The following CFI variants were observed in gnomAD, a reference collection of about 807,000 sequenced individuals.
The protein encoded by CFI is C3B/C4B inactivator.
Under a neutral mutation model 78.8 loss-of-function variants are expected in CFI, and 66 were observed. The observed-to-expected ratio is 0.84, with a 90% confidence interval of 0.69 to 1.03. The LOEUF is 1.03. CFI is among the 50% of genes least tolerant of loss of function. The pLI is 0.00. For missense variants in CFI, 706 were observed against 704.5 expected, an observed-to-expected ratio of 1.00 and a Z score of -0.02; for synonymous variants, 250 against 232.6, an observed-to-expected ratio of 1.07 and a Z score of -0.68.
chr4:109,775,235 A>T (rs1729072516), intron 1 of CFI, among the ~76,000 whole-genome samples: 1 of 152,178 alleles, frequency 6.6e-6, no homozygotes, highest in African/African-American at 2.4e-5. Flanking sequence ...GGGTCAGGGA[A>T]TTCCCTTTTC....
chr4:109,736,694 C>A (rs1723389876), downstream of CFI, among the ~76,000 whole-genome samples: 1 of 152,164 alleles, frequency 6.6e-6, no homozygotes, highest in African/African-American at 2.4e-5. Context: ...ATGGAAAGAA[C>A]CCACTTAGTT....
At chr4:109,799,110 A>C (rs1425017674) in intron 1 of CFI, among the ~76,000 whole-genome samples, 7 of 152,108 alleles carry the variant, frequency 4.6e-5, no homozygotes, top group Non-Finnish European at 1.5e-5. Flanking sequence ...TGCCCTGAGC[A>C]TGTATGGGGC....
At chr4:109,769,917 C>G (rs962888008) in intron 1 of CFI, among the ~76,000 whole-genome samples, 2 of 152,108 alleles carry the variant, frequency 1.3e-5, no homozygotes, top group Admixed American at 6.5e-5. Context: ...AGGTATGGGT[C>G]AAGTACTAGT....
the CFI span, among the ~76,000 whole-genome samples, chr4:109,735,273 A>C: frequency 1.3e-5 from 2 of 152,166 alleles, no homozygotes; most frequent in African/African-American, 4.8e-5. Flanking sequence ...TATTTTCTAT[A>C]TAGAACTTCC....
intron 10 of CFI, among the ~76,000 whole-genome samples, chr4:109,747,172 G>A (rs6836770): frequency 0.74 from 111,770 of 151,864 alleles, 41,315 homozygotes; most frequent in East Asian, 0.87. Context: ...TTCATATCAA[G>A]TTTCTTTCTT....
chr4:109,790,951 T>C (rs372086089), intron 1 of CFI, among the ~76,000 whole-genome samples: 87 of 152,318 alleles, frequency 5.7e-4, no homozygotes, highest in African/African-American at 2.0e-3. Context: ...TGTACTCCTT[T>C]AGGTATATAC....
chr4:109,752,098 T>C (rs543009488), intron 8 of CFI, among the ~76,000 whole-genome samples: 13 of 152,334 alleles, frequency 8.5e-5, no homozygotes, highest in Non-Finnish European at 1.3e-4. Flanking sequence ...GTTAATTCAA[T>C]TAACATCTAT....
At chr4:109,779,599 C>T (rs1729724194) in intron 1 of CFI, among the ~76,000 whole-genome samples, 1 of 152,256 alleles carries the variant, frequency 6.6e-6, no homozygotes, top group African/African-American at 2.4e-5. Context: ...CATCAAGCTA[C>T]CAATGACTTT....
intron 1 of CFI, among the ~76,000 whole-genome samples, chr4:109,780,331 T>G (rs28796714): frequency 0.42 from 63,602 of 151,810 alleles, 14,526 homozygotes; most frequent in African/African-American, 0.57. Context: ...CAAAAAGTGG[T>G]CGAAGGATAT....
intron 1 of CFI, among the ~76,000 whole-genome samples, chr4:109,778,351 A>G (rs1729553122): frequency 6.6e-6 from 1 of 152,168 alleles, no homozygotes; most frequent in African/African-American, 2.4e-5. Context: ...TACTATAAAC[A>G]CCTCTATGCA....
At chr4:109,797,155 C>T (rs1732155255) in intron 1 of CFI, among the ~76,000 whole-genome samples, 3 of 152,132 alleles carry the variant, frequency 2.0e-5, no homozygotes, top group Admixed American at 6.5e-5. Context: ...CCAGAGGCAT[C>T]CCACTTCCTG....
chr4:109,758,125 T>C (rs959657047), intron 6 of CFI, among the ~76,000 whole-genome samples: 2 of 151,972 alleles, frequency 1.3e-5, no homozygotes, highest in Non-Finnish European at 2.9e-5. Flanking sequence ...GAAGTAACAA[T>C]GATAGTTGGC....
intron 11 of CFI, among the ~76,000 whole-genome samples, chr4:109,744,890 T>A (rs1032284677): frequency 2.0e-5 from 3 of 152,146 alleles, no homozygotes; most frequent in East Asian, 3.8e-4. Context: ...TAAATGCACA[T>A]AATAAAAGAT....
intron 1 of CFI, among the ~76,000 whole-genome samples, chr4:109,800,170 C>A (rs956745359): frequency 1.3e-5 from 2 of 152,006 alleles, no homozygotes; most frequent in Non-Finnish European, 2.9e-5. Flanking sequence ...CTTAACATTA[C>A]CCCAGTTCTT....
intron 11 of CFI, 131 bp downstream of exon 11, chr4:109,746,091 G>A: frequency 8.9e-7 from 1 of 1,121,552 alleles, no homozygotes; most frequent in South Asian, 1.4e-5. Flanking sequence ...AGCCAGCCAT[G>A]GCTGGATGTT....
intron 1 of CFI, among the ~76,000 whole-genome samples, chr4:109,788,772 A>G (rs1731040083): frequency 6.6e-6 from 1 of 152,122 alleles, no homozygotes; most frequent in Admixed American, 6.6e-5. Flanking sequence ...TCTGTAAAAA[A>G]TTTAAAAAGT....
chr4:109,763,723 T>G (rs768648394), intron 3 of CFI, among the ~76,000 whole-genome samples: 2 of 151,898 alleles, frequency 1.3e-5, no homozygotes, highest in East Asian at 3.8e-4. Flanking sequence ...CGTGGAGCAT[T>G]TGAAAAATAC....
At chr4:109,765,734 G>A (rs1473425552) in intron 2 of CFI, among the ~76,000 whole-genome samples, 9 of 152,120 alleles carry the variant, frequency 5.9e-5, no homozygotes, top group African/African-American at 2.2e-4. Context: ...GTATGTCCCA[G>A]GTCAGCAGTG....
chr4:109,796,101 A>T (rs1271043461), intron 1 of CFI, among the ~76,000 whole-genome samples: 3 of 152,240 alleles, frequency 2.0e-5, no homozygotes, highest in African/African-American at 7.2e-5. Context: ...ATTTTGAAAG[A>T]ACGAGAAAAG....
Sources: allele counts gnomAD v4.1 joint callset (sites outside exome capture counted in the v4.1 genomes callset), GRCh38; gene constraint gnomAD v4.1.1; transcripts MANE v1.5; gene names NCBI Gene and HGNC (gene_info 2026-07-23, HGNC 2026-07-21).